MYLIP: variants seen among roughly 807,000 people sequenced by gnomAD.
MYLIP encodes E3 ubiquitin-protein ligase MYLIP.
MYLIP carries 26 observed loss-of-function variants against 45.8 expected under a neutral mutation model. That is an observed-to-expected ratio of 0.57 (90% CI 0.42 to 0.79). The LOEUF (loss-of-function observed/expected upper bound fraction) is 0.79, where lower values mean the gene tolerates loss of function less well. MYLIP is among the 30% of genes least tolerant of loss of function. The probability of loss-of-function intolerance (pLI) is 0.00; values close to 1 mark genes in which losing one functional copy is unlikely to be tolerated. For missense variants in MYLIP, 494 were observed against 555.6 expected (o/e 0.89, Z 1.11); for synonymous variants, 213 against 218.1 (o/e 0.98, Z 0.21).
In MYLIP at chr6:16,143,786, G is replaced by A; in HGVS notation, c.750G>A (p.Val250=). Residue 250 remains valine (V), a synonymous_variant, in exon 5 of 7, where the codon GTG becomes GTA. Transcript: ENST00000356840. The part of the protein sequence containing the change: ...TVTKESGNSI[V]LLFKMISTRA... ...CCAAGGAATCTGGGAACAGCATCGT[G>A]CTCTTGTTTAAAATGATCAGCACCA... 1.9e-6 allele frequency: 3 copies of A among 1,613,854 alleles called. No homozygotes were observed. The highest frequency in any genetic ancestry group is 2.5e-6 in the Non-Finnish European group (3 of 1,180,000).
intron 5 of MYLIP, among the ~76,000 whole-genome samples, chr6:16,144,690 G>C (rs975746581): frequency 6.6e-6 from 1 of 152,120 alleles, no homozygotes; most frequent in East Asian, 1.9e-4. Context: ...ACTGCTTTAC[G>C]GAAGCCATAA....
the MYLIP span, among the ~76,000 whole-genome samples, chr6:16,155,945 G>A: frequency 6.6e-6 from 1 of 152,176 alleles, no homozygotes; most frequent in Non-Finnish European, 1.5e-5. Flanking sequence ...CTTGTTTGGT[G>A]TCCAGGAAAA....
chr6:16,139,366 C>T (rs1014912937), intron 2 of MYLIP, among the ~76,000 whole-genome samples: 4 of 147,712 alleles, frequency 2.7e-5, no homozygotes, highest in South Asian at 2.1e-4. Context: ...CCAGCCTGGG[C>T]GACAGAGCAA....
the MYLIP span, among the ~76,000 whole-genome samples, chr6:16,162,792 A>AAAAAAAAAAAAAAAAAAAAAG: frequency 6.7e-6 from 1 of 150,110 alleles, no homozygotes; most frequent in African/African-American, 2.5e-5. Context: ...CTCTAAAAAA[A>AAAAAAAAAAAAAAAAAAAAAG]AAAAAAAAAA....
At position 16,129,210 on chromosome 6, in the gene MYLIP, G is replaced by A; in HGVS notation, c.-113G>A. On this transcript the variant is annotated 5_prime_UTR_variant, in exon 1 of 7. Coordinates refer to ENST00000356840, the MANE Select transcript of MYLIP (RefSeq NM_013262.4). This position sits in a 1 kb window ranked among gnomAD's most constrained non-coding sequence, Gnocchi z 5.1. Reference sequence around the variant, plus strand: ...CCGGACAAGGGTCCGCAGAGCTGCAGCCTTCGAGGGCCAGCCCTCTCCGAG... The same window carrying A: ...CCGGACAAGGGTCCGCAGAGCTGCAACCTTCGAGGGCCAGCCCTCTCCGAG... The A allele has an allele frequency of 1.8e-6, 2 of 1,141,256 alleles. No homozygotes were observed. Among genetic ancestry groups the A allele is most frequent in the Admixed American group, 2.1e-5 (1 of 47,784 alleles). 70.7% of individuals were successfully genotyped at this position (1,141,256 alleles called of 1,614,324 possible).
At chr6:16,151,009 GAAAA>G (rs1227842421), downstream of MYLIP, among the ~76,000 whole-genome samples, 2 of 151,910 alleles carry the variant, frequency 1.3e-5, no homozygotes, top group Admixed American at 1.3e-4. Flanking sequence ...AACAATATGA[GAAAA>G]AAGGTATGCC....
rs915667701 is a variant in MYLIP, at chr6:16,129,199, G to A, written c.-124G>A. On this transcript the variant is annotated 5_prime_UTR_variant, in exon 1 of 7. Transcript: ENST00000356840. The surrounding 1 kb of genome is among the most constrained non-coding windows in gnomAD (Gnocchi z 5.1). ...GCCGCGGGGCCCCGGACAAGGGTCCGCAGAGCTGCAGCCTTCGAGGGCCAG... is the reference window on the plus strand; with the variant it reads ...GCCGCGGGGCCCCGGACAAGGGTCCACAGAGCTGCAGCCTTCGAGGGCCAG... 9.9e-7 allele frequency: 1 copy of A among 1,014,672 alleles called. No homozygotes were observed. The highest frequency in any genetic ancestry group is 1.4e-6 in the Non-Finnish European group (1 of 695,006). The allele number at this position is 1,014,672 out of a possible 1,614,324, so 62.9% of individuals were successfully genotyped here.
chr6:16,130,018 T>C (rs934771692), intron 1 of MYLIP, among the ~76,000 whole-genome samples: 1 of 152,158 alleles, frequency 6.6e-6, no homozygotes, highest in African/African-American at 2.4e-5. Flanking sequence ...CGGTGCCAAA[T>C]AGTGCAGAGG....
intron 6 of MYLIP, 93 bp downstream of exon 6, chr6:16,145,410 A>C: frequency 7.2e-7 from 1 of 1,398,004 alleles, no homozygotes; most frequent in Non-Finnish European, 9.6e-7. Context: ...GCTAATGCAC[A>C]GACGGGGAAT....
In MYLIP at chr6:16,146,691, G is replaced by A. The variant is rs779582303; in HGVS notation, c.1278G>A (p.Glu426=). ...QSCPVCRSRV[E]HVQHVYLPTH... ...GTCCCGTCTGCAGGTCGCGTGTGGA[G>A]CATGTCCAGCACGTCTATCTGCCAA... The change falls in exon 7 of 7, where the codon GAG becomes GAA. Residue 426 remains glutamate (E), a synonymous_variant. Transcript: ENST00000356840. 3 of 1,611,928 alleles carry A rather than the reference G, an allele frequency of 1.9e-6. No individual in the cohort carries two copies. In the South Asian group the frequency reaches 3.3e-5, roughly 18 times the overall value.
Position 16,146,729 on chromosome 6 carries a change from T to G in MYLIP, c.1316T>G (p.Leu439Arg). ...GTCTATCTGCCAACGCACACCAGTC[T>G]TCTCAATCTGACTGTAATCTAATCT... ...QHVYLPTHTS[L>R]LNLTVI The change falls in exon 7 of 7, where the codon CTT becomes CGT. Residue 439 changes from leucine to arginine, a missense_variant. Transcript: ENST00000356840. The G allele has an allele frequency of 6.2e-7, 1 of 1,611,018 alleles. No homozygotes were observed. Among genetic ancestry groups the G allele is most frequent in the South Asian group, 1.1e-5 (1 of 90,320 alleles).
At chr6:16,136,860 C>G (rs542069434) in intron 2 of MYLIP, among the ~76,000 whole-genome samples, 39 of 152,154 alleles carry the variant, frequency 2.6e-4, no homozygotes, top group Non-Finnish European at 2.1e-4. Context: ...TCAAAGTGTC[C>G]AAGTCATTTA....
chr6:16,141,516 G>A (rs765982797), intron 2 of MYLIP, 109 bp from the exon 3 acceptor site: 3 of 1,042,690 alleles, frequency 2.9e-6, no homozygotes, highest in East Asian at 2.5e-5. Context: ...CATTTTCAGT[G>A]TGACTTTTAA....
chr6:16,130,444 G>T, intron 1 of MYLIP, 113 bp from the exon 2 acceptor site: 1 of 1,064,480 alleles, frequency 9.4e-7, no homozygotes, highest in Non-Finnish European at 1.4e-6. Context: ...ATCAGGAATT[G>T]TAACACCATT....
At chr6:16,137,134 G>A (rs180797659) in intron 2 of MYLIP, among the ~76,000 whole-genome samples, 9 of 152,252 alleles carry the variant, frequency 5.9e-5, no homozygotes, top group African/African-American at 1.4e-4. Context: ...TTTCTAAAGC[G>A]TTACGGTTTT....
the MYLIP span, among the ~76,000 whole-genome samples, chr6:16,154,151 T>G: frequency 6.6e-6 from 1 of 152,076 alleles, no homozygotes; most frequent in Non-Finnish European, 1.5e-5. Flanking sequence ...AAAAATTAAT[T>G]TTTCTTTTTT....
chr6:16,137,049 T>C (rs895642279), intron 2 of MYLIP, among the ~76,000 whole-genome samples: 1 of 152,202 alleles, frequency 6.6e-6, no homozygotes, highest in Non-Finnish European at 1.5e-5. Context: ...TTATCCACTT[T>C]CTTCTTTTGT....
intron 5 of MYLIP, 93 bp from the exon 6 acceptor site, chr6:16,144,804 A>T: frequency 7.1e-7 from 1 of 1,400,272 alleles, no homozygotes; most frequent in Non-Finnish European, 9.8e-7. Context: ...ACTATGAAAC[A>T]TCTGCTGACA....
At position 16,131,409 on chromosome 6, in the gene MYLIP, A is replaced by G. The variant is rs183015229; in HGVS notation, c.278+662A>G. Among the ~76,000 whole-genome samples, 22 of 152,368 alleles carry G rather than the reference A, an allele frequency of 1.4e-4. No homozygotes were observed. The South Asian group carries it at 2.9e-3, about 20-fold the overall frequency. ...CTCTACGTTGTAAAACACCACCAAC[A>G]GTGGTAGACAACTGAAGCATGTGGT... On this transcript the variant is annotated intron_variant, in intron 2 of 6. Transcript: ENST00000356840.
Sources: gnomAD v4.1 joint callset for allele counts (sites outside exome capture counted in the v4.1 genomes callset) on GRCh38, gnomAD v4.1.1 for gene constraint, Gnocchi (gnomAD v3.1) non-coding constraint, MANE v1.5 for transcripts, NCBI Gene and HGNC (gene_info 2026-07-23, HGNC 2026-07-21) for gene names.